The following TMEM184B variants were observed in gnomAD, a reference collection of about 807,000 sequenced individuals.
TMEM184B encodes transmembrane protein 184B.
Under a neutral mutation model 41.8 loss-of-function variants are expected in TMEM184B, and 17 were observed. The observed-to-expected ratio is 0.41, with a 90% CI of 0.28 to 0.61. The LOEUF (loss-of-function observed/expected upper bound fraction) is 0.61, where lower values mean the gene tolerates loss of function less well. TMEM184B is among the 20% of genes least tolerant of loss of function. The pLI is 0.34. For missense variants in TMEM184B, 393 were observed against 557.8 expected, an observed-to-expected ratio of 0.70 and a Z score of 2.98; for synonymous variants, 240 against 229.5, an observed-to-expected ratio of 1.05 and a Z score of -0.41.
chr22:38,220,396 G>A lies in TMEM184B; in HGVS notation c.*1073C>T. On this transcript the variant is annotated 3_prime_UTR_variant, in exon 9 of 9. Coordinates refer to ENST00000361906, the MANE Select transcript of TMEM184B (RefSeq NM_012264.5). Reference sequence around the variant, plus strand: ...TATGTGACTAAGGCACAGAAGAGATGGGCCAGGGGCCAGATGGGGTAGAAC... The same window carrying A: ...TATGTGACTAAGGCACAGAAGAGATAGGCCAGGGGCCAGATGGGGTAGAAC... 1.0e-6 allele frequency: 1 copy of A among 986,010 alleles called. No homozygotes were observed. Among genetic ancestry groups the A allele is most frequent in the Non-Finnish European group, 1.2e-6 (1 of 830,052 alleles). 61.1% of individuals were successfully genotyped at this position (986,010 alleles called of 1,614,324 possible).
At chr22:38,233,058 G>A (rs1361213774) in intron 3 of TMEM184B, among the ~76,000 whole-genome samples, 2 of 152,192 alleles carry the variant, frequency 1.3e-5, no homozygotes, top group East Asian at 1.9e-4. Flanking sequence ...TGGCACACAC[G>A]GGGCACACCA....
chr22:38,234,526 T>C (rs1250712313), intron 3 of TMEM184B, among the ~76,000 whole-genome samples: 2 of 152,232 alleles, frequency 1.3e-5, no homozygotes, highest in Non-Finnish European at 2.9e-5. Flanking sequence ...GGATGGTTGT[T>C]TTACACTAGT....
intron 1 of TMEM184B, among the ~76,000 whole-genome samples, chr22:38,255,949 TGATAGTG>T (rs774473571): frequency 1.3e-5 from 2 of 152,198 alleles, no homozygotes; most frequent in Non-Finnish European, 2.9e-5. Flanking sequence ...GTTTGTATCT[TGATAGTG>T]GTAGTGGTTA....
chr22:38,233,518 G>A (rs888676703), intron 3 of TMEM184B, among the ~76,000 whole-genome samples: 1 of 152,198 alleles, frequency 6.6e-6, no homozygotes, highest in Non-Finnish European at 1.5e-5. Context: ...AGGGCTGTGT[G>A]TACTGCCTGC....
rs773531524 is a variant in TMEM184B at position 38,231,330 on chromosome 22, C to G, written c.363G>C (p.Leu121Phe). Residue 121 changes from leucine (L) to phenylalanine (F), a missense_variant, in exon 4 of 9, where the codon TTG (leucine) becomes TTC (phenylalanine). Leu to Phe is a conservative substitution (Grantham distance 22). This residue lies in a region of TMEM184B where 271 missense variants were observed against 434.1 expected (regional missense o/e 0.62). Coordinates refer to ENST00000361906, the MANE Select transcript of TMEM184B (RefSeq NM_012264.5). The stretch of plus-strand genomic sequence containing the variant: ...ACAGGCTCAGGAAATTATAGATGAC[C>G]AAGGCTGCGAAGAGAGTGTCCAGGA... ...FGTVRDCYEA[L>F]VIYNFLSLCY... The G allele has an allele frequency of 1.7e-5, 27 of 1,613,834 alleles. No individual in the cohort carries two copies. The highest frequency in any genetic ancestry group is 1.6e-4 in the Middle Eastern group (1 of 6,084).
chr22:38,262,017 C>A (rs1405719155), intron 1 of TMEM184B, among the ~76,000 whole-genome samples: 1 of 152,232 alleles, frequency 6.6e-6, no homozygotes, highest in Admixed American at 6.5e-5. Flanking sequence ...TGGACATAAC[C>A]CAATGCCTGT....
chr22:38,240,377 G>T (rs1037121575), intron 3 of TMEM184B, among the ~76,000 whole-genome samples: 4 of 151,336 alleles, frequency 2.6e-5, no homozygotes, highest in East Asian at 1.9e-4. Context: ...AAAGCTCAAA[G>T]GTAAGATTAA....
intron 2 of TMEM184B, chr22:38,246,950 G>T: frequency 9.0e-7 from 1 of 1,109,008 alleles, no homozygotes; most frequent in Non-Finnish European, 1.2e-6. Context: ...ACGCAAATGG[G>T]TTCTAAAAGG....
chr22:38,246,974 G>T, intron 2 of TMEM184B: 1 of 846,750 alleles, frequency 1.2e-6, no homozygotes, highest in Non-Finnish European at 1.7e-6. Context: ...GGGGACACAG[G>T]GCAGCTGGCA....
intron 5 of TMEM184B, 50 bp downstream of exon 5, chr22:38,230,619 C>G: frequency 6.4e-7 from 1 of 1,571,128 alleles, no homozygotes; most frequent in Non-Finnish European, 8.7e-7. Flanking sequence ...CAGGGCCTCC[C>G]AGACCCCGCC....
intron 1 of TMEM184B, among the ~76,000 whole-genome samples, chr22:38,251,583 C>T (rs1274916962): frequency 1.3e-5 from 2 of 152,192 alleles, no homozygotes; most frequent in African/African-American, 2.4e-5. Context: ...CAAGGCCAGA[C>T]TCTGCAAACT....
At chr22:38,269,140 C>G (rs1280061616) in intron 1 of TMEM184B, among the ~76,000 whole-genome samples, 1 of 152,364 alleles carries the variant, frequency 6.6e-6, no homozygotes, top group East Asian at 1.9e-4. Flanking sequence ...ATTTAAATTG[C>G]ATCTCCCAAT....
In TMEM184B at chr22:38,219,834, G is replaced by C; in HGVS notation, c.*1635C>G. 1.0e-6 allele frequency: 1 copy of C among 985,396 alleles called. No individual in the cohort carries two copies. Among genetic ancestry groups the C allele is most frequent in the Non-Finnish European group, 1.2e-6 (1 of 829,942 alleles). The allele number at this position is 985,396 out of a possible 1,614,324, so 61.0% of individuals were successfully genotyped here. Reference sequence around the variant, plus strand: ...GCACCCACCCTCCCGGGCAGCTTGGGCCCAACTGCTCCGCCCCCCCAAGAT... The same window carrying C: ...GCACCCACCCTCCCGGGCAGCTTGGCCCCAACTGCTCCGCCCCCCCAAGAT... On this transcript the variant is annotated 3_prime_UTR_variant, in exon 9 of 9. Coordinates refer to ENST00000361906, the MANE Select transcript of TMEM184B (RefSeq NM_012264.5).
intron 1 of TMEM184B, among the ~76,000 whole-genome samples, chr22:38,264,264 C>A (rs1026009284): frequency 6.6e-6 from 1 of 152,212 alleles, no homozygotes; most frequent in African/African-American, 2.4e-5. Context: ...CAGTAAAAGG[C>A]TAGGCCCACT....
At chr22:38,247,053 C>T (rs2092048695) in intron 2 of TMEM184B, among the ~76,000 whole-genome samples, 2 of 152,342 alleles carry the variant, frequency 1.3e-5, no homozygotes, top group South Asian at 4.1e-4. Context: ...CAAACCTCTG[C>T]AGCCACCAAG....
intron 1 of TMEM184B, among the ~76,000 whole-genome samples, chr22:38,263,316 C>T (rs113726896): frequency 0.025 from 3,826 of 152,296 alleles, 78 homozygotes; most frequent in South Asian, 0.051. Context: ...AGAGGCATCA[C>T]AATCACCGAC....
chr22:38,219,477 T>C lies in TMEM184B; in HGVS notation c.*1992A>G. 3.0e-6 allele frequency: 3 copies of C among 985,518 alleles called. No individual in the cohort carries two copies. The highest frequency in any genetic ancestry group is 3.6e-6 in the Non-Finnish European group (3 of 829,830). 61.0% of individuals were successfully genotyped at this position (985,518 alleles called of 1,614,324 possible). ...GTCTTCTCATACATCATACAATTAA[T>C]TTTTCAAGTATTCTTTATGTACAAA... On this transcript the variant is annotated 3_prime_UTR_variant, in exon 9 of 9. Coordinates refer to ENST00000361906, the MANE Select transcript of TMEM184B (RefSeq NM_012264.5).
intron 3 of TMEM184B, among the ~76,000 whole-genome samples, chr22:38,236,793 A>G (rs374368926): frequency 9.2e-5 from 14 of 152,238 alleles, no homozygotes; most frequent in African/African-American, 3.4e-4. Flanking sequence ...CCTGGCCTAT[A>G]AGAAACCATT....
chr22:38,241,883 CAAAAAAAAAAA>C (rs34060428), intron 3 of TMEM184B, among the ~76,000 whole-genome samples: 2 of 32,618 alleles, frequency 6.1e-5, no homozygotes, highest in Non-Finnish European at 6.5e-5. Flanking sequence ...GACTCCGTCT[CAAAAAAAAAAA>C]AAAAAAAAAA....
Sources: gnomAD v4.1 joint callset for allele counts (sites outside exome capture counted in the v4.1 genomes callset) on GRCh38, gnomAD v4.1.1 for gene constraint, gnomAD v4.1.1 regional missense constraint, MANE v1.5 for transcripts, NCBI Gene and HGNC (gene_info 2026-07-23, HGNC 2026-07-21) for gene names.